Variants in SYNE2 observed in about 807,000 individuals in gnomAD.
SYNE2 encodes the protein spectrin repeat containing nuclear envelope protein 2.
A neutral mutation model predicts 856.3 loss-of-function variants in SYNE2; 431 were observed. The ratio of observed to expected loss-of-function variants is 0.50; its 90% CI spans 0.47 to 0.55. The LOEUF is 0.55. Ranked by LOEUF, SYNE2 falls within the 20% of genes least tolerant of loss-of-function variation. The probability of loss-of-function intolerance (pLI) is 0.00; values close to 1 mark genes in which losing one functional copy is unlikely to be tolerated. For synonymous variants in SYNE2, 2,923 were observed against 2,872.3 expected (o/e 1.02, Z -0.56); for missense variants, 8,129 against 8,023.2 (o/e 1.01, Z -0.50).
intron 65 of SYNE2, among the ~76,000 whole-genome samples, chr14:64,111,528 G>A (rs549355871): frequency 1.7e-4 from 26 of 152,266 alleles, no homozygotes; most frequent in Admixed American, 1.2e-3. Flanking sequence ...GCCAGGCGCT[G>A]TGGCTTATGC....
intron 100 of SYNE2, among the ~76,000 whole-genome samples, chr14:64,206,757 C>T (rs2098607180): frequency 6.6e-6 from 1 of 152,090 alleles, no homozygotes; most frequent in South Asian, 2.1e-4. Context: ...ACTAGAACTT[C>T]TCTCGGCTTT....
chr14:64,040,522 A>G (rs2357343), intron 45 of SYNE2, among the ~76,000 whole-genome samples: 114,058 of 150,286 alleles, frequency 0.76, 45,322 homozygotes, highest in Non-Finnish European at 0.88. Flanking sequence ...TAGTTAGAAT[A>G]TATGACTGAG....
intron 18 of SYNE2, among the ~76,000 whole-genome samples, chr14:63,986,043 T>G (rs1475820291): frequency 2.0e-5 from 3 of 152,168 alleles, no homozygotes; most frequent in Non-Finnish European, 4.4e-5. Context: ...GAACTACATC[T>G]TATGTCATTA....
In SYNE2 at chr14:64,225,776, G is replaced by GA; in HGVS notation, c.*251dup. ...GGCAGAACTAGTTGATTAGTTTAGG[G>GA]ATCTCTGGAAATGTCAGTTTCCTGA... On this transcript the variant is annotated 3_prime_UTR_variant, in exon 116 of 116. Coordinates refer to ENST00000555002, the MANE Select transcript of SYNE2 (RefSeq NM_182914.3). The GA allele has an allele frequency of 1.7e-6, 1 of 597,182 alleles. No individual in the cohort carries two copies. The highest frequency in any genetic ancestry group is 2.8e-5 in the East Asian group (1 of 36,162). 37.0% of individuals were successfully genotyped at this position (597,182 alleles called of 1,614,324 possible). A position where few individuals can be genotyped will look rare whatever the true frequency, so the allele number is the denominator to read the frequency against.
In SYNE2 at chr14:63,993,838, G is replaced by A. The variant is rs767613525; in HGVS notation, c.2650G>A (p.Ala884Thr). ...TTGCAATTTTTTTTTTTTTTAGGAAGCACTAATAATTTCTAATACAAAAAG... is the reference window on the plus strand; with the variant it reads ...TTGCAATTTTTTTTTTTTTTAGGAAACACTAATAATTTCTAATACAAAAAG... ...PGELISKHKE[A>T]LIISNTKSLA... The change falls in exon 22 of 116, where the codon GCA becomes ACA. Residue 884 changes from alanine (A) to threonine (T), a missense_variant. By Grantham distance (58) the Ala-to-Thr change is moderately conservative. This residue lies in a region of SYNE2 where 2,422 missense variants were observed against 2,357.4 expected (regional missense o/e 1.03). Coordinates refer to ENST00000555002, the MANE Select transcript of SYNE2 (RefSeq NM_182914.3). 31 of 1,592,740 alleles carry A rather than the reference G, an allele frequency of 1.9e-5. No individual in the cohort carries two copies. The highest frequency in any genetic ancestry group is 1.1e-4 in the African/African-American group (8 of 73,002).
At chr14:64,098,618 T>G (rs1012982157) in intron 62 of SYNE2, 129 bp from the exon 63 acceptor site, 4 of 896,302 alleles carry the variant, frequency 4.5e-6, no homozygotes, top group Non-Finnish European at 3.6e-6. Context: ...GGAGACAGGC[T>G]TCTTGTGGGG....
intron 2 of SYNE2, among the ~76,000 whole-genome samples, chr14:63,928,329 C>T (rs190115018): frequency 1.8e-3 from 269 of 152,268 alleles, no homozygotes; most frequent in Middle Eastern, 0.017. Context: ...GTAAATTCTT[C>T]AGAGGGGGAC....
In SYNE2 at chr14:64,057,979, A is replaced by G. The variant is rs117832301; in HGVS notation, c.10067+1713A>G. Among the ~76,000 whole-genome samples, 159 of 152,242 alleles carry G rather than the reference A, an allele frequency of 1.0e-3. No homozygotes were observed. In the East Asian group the frequency reaches 0.025, roughly 24 times the overall value. On this transcript the variant is annotated intron_variant, in intron 49 of 115. Coordinates refer to ENST00000555002, the MANE Select transcript of SYNE2 (RefSeq NM_182914.3). The stretch of plus-strand genomic sequence containing the variant: ...TAATTGGATTATTAATTTTTTTCCT[A>G]TAGAGTTATTTGAGCTCCCTATACA...
In SYNE2 at chr14:64,053,540, G is replaced by A; in HGVS notation, c.9627G>A (p.Val3209=). 3 of 1,614,228 alleles carry A rather than the reference G, an allele frequency of 1.9e-6. No individual in the cohort carries two copies. Among genetic ancestry groups the A allele is most frequent in the Non-Finnish European group, 2.5e-6 (3 of 1,180,052 alleles). The change falls in exon 48 of 116, where the codon GTG becomes GTA. Residue 3209 remains valine (V), a synonymous_variant. Transcript: ENST00000555002. The stretch of plus-strand genomic sequence containing the variant: ...CAGAAATGTGTAGTATTAAAGCTGT[G>A]ACTGCTATTGAGAAACAAAGAGAAG... ...VWAEMCSIKA[V]TAIEKQREEN...
rs766716647 is a variant in SYNE2, at chr14:64,080,440, C to T, written c.11164-16C>T. On this transcript the variant is annotated splice_polypyrimidine_tract_variant and intron_variant, in intron 55 of 115. Transcript: ENST00000555002. Reference sequence around the variant, plus strand: ...TGACCTCTTCATTCAAGTTGACTTACGATTTCCTTCTCCAGAAAATGTGGG... The same window carrying T: ...TGACCTCTTCATTCAAGTTGACTTATGATTTCCTTCTCCAGAAAATGTGGG... 6.8e-6 allele frequency: 11 copies of T among 1,613,730 alleles called. No individual in the cohort carries two copies. Among genetic ancestry groups the T allele is most frequent in the Middle Eastern group, 3.3e-4 (2 of 6,084 alleles).
At position 63,798,815 on chromosome 14, in the gene SYNE2, G is replaced by A. The variant is rs575616084; in HGVS notation, c.-305+36829G>A. 9.2e-5 allele frequency among the ~76,000 whole-genome samples: 14 copies of A among 152,246 alleles called. No homozygotes were observed. In the East Asian group the frequency reaches 2.7e-3, roughly 29 times the overall value. On this transcript the variant is annotated intron_variant, in intron 1 of 23. Transcript: ENST00000674003. ...GGTATGATTAGAGCAACACCCATCT[G>A]TATGGCTACTGTCAAAACAATTCAT...
At chr14:64,041,607 G>C (rs888542997) in intron 45 of SYNE2, among the ~76,000 whole-genome samples, 46 of 152,154 alleles carry the variant, frequency 3.0e-4, no homozygotes, top group African/African-American at 1.1e-3. Context: ...TCAGCACTTT[G>C]GGAGGCTGAG....
At chr14:64,199,641 C>T (rs762137888) in intron 99 of SYNE2, among the ~76,000 whole-genome samples, 1 of 149,884 alleles carries the variant, frequency 6.7e-6, no homozygotes. Flanking sequence ...TCACTTGAAC[C>T]TGGGAGGCGG....
intron 8 of SYNE2, among the ~76,000 whole-genome samples, chr14:63,960,558 A>C (rs2096297117): frequency 6.6e-6 from 1 of 152,166 alleles, no homozygotes; most frequent in Admixed American, 6.5e-5. Context: ...GGCTCTCTGT[A>C]AATATTTGTT....
chr14:64,141,206 A>G, intron 80 of SYNE2, 135 bp from the exon 81 acceptor site: 1 of 668,222 alleles, frequency 1.5e-6, no homozygotes, highest in South Asian at 2.1e-5. Flanking sequence ...AGTAGGAAAA[A>G]GGGGTGTGTG....
chr14:63,940,308 G>A (rs1030230372), intron 2 of SYNE2, among the ~76,000 whole-genome samples: 1 of 152,050 alleles, frequency 6.6e-6, no homozygotes, highest in East Asian at 1.9e-4. Context: ...TGCTTACCTC[G>A]GCCTCCCAAG....
chr14:63,841,383 C>T (rs1378687762), intron 1 of SYNE2, among the ~76,000 whole-genome samples: 2 of 152,212 alleles, frequency 1.3e-5, no homozygotes, highest in Admixed American at 6.5e-5. Context: ...ACAGGAAGCA[C>T]ATCTCTTCCC....
intron 11 of SYNE2, among the ~76,000 whole-genome samples, chr14:63,975,861 G>A (rs537003247): frequency 6.6e-6 from 1 of 152,310 alleles, no homozygotes; most frequent in South Asian, 2.1e-4. Context: ...GTTCATAAAT[G>A]TTTGGCCAAT....
chr14:63,998,130 A>G (rs566294407), intron 25 of SYNE2, 89 bp from the exon 26 acceptor site: 49 of 947,868 alleles, frequency 5.2e-5, no homozygotes, highest in South Asian at 2.3e-4. Context: ...TAAAGAATCA[A>G]TGATACATTT....
Sources: gnomAD v4.1 joint callset for allele counts (sites outside exome capture counted in the v4.1 genomes callset) on GRCh38, gnomAD v4.1.1 for gene constraint, gnomAD v4.1.1 regional missense constraint, MANE v1.5 for transcripts, NCBI Gene and HGNC (gene_info 2026-07-23, HGNC 2026-07-21) for gene names.